The following ANO5 variants were observed in gnomAD, a reference collection of about 807,000 sequenced individuals.
ANO5 encodes anoctamin 5.
ANO5 carries 109 observed loss-of-function variants against 121.0 expected under a neutral mutation model. The observed-to-expected ratio is 0.90, with a 90% CI of 0.77 to 1.06. The LOEUF is 1.06. Ranked by LOEUF, ANO5 falls within the 50% of genes least tolerant of loss-of-function variation. The pLI, the probability that ANO5 is intolerant of heterozygous loss-of-function variation, is 0.00. For missense variants in ANO5, 1,064 were observed against 1,078.5 expected, an observed-to-expected ratio of 0.99 and a Z score of 0.19; for synonymous variants, 406 against 359.9, an observed-to-expected ratio of 1.13 and a Z score of -1.45.
Position 22,272,302 on chromosome 11 carries a change from G to GCACACACACACACACACACA in ANO5, c.2030-457_2030-438dup, listed in dbSNP as rs60487083. Among the ~76,000 whole-genome samples, 15 of 134,566 alleles carry GCACACACACACACACACACA rather than the reference G, an allele frequency of 1.1e-4. No homozygotes were observed. The East Asian group carries it at 1.2e-3, about 10-fold the overall frequency. 88.3% of individuals were successfully genotyped at this position (134,566 alleles called of 152,430 possible). On this transcript the variant is annotated intron_variant, in intron 18 of 21. Coordinates refer to ENST00000324559, the MANE Select transcript of ANO5 (RefSeq NM_213599.3). Reference sequence around the variant, plus strand: ...TAGAAAATGTATATTTCCTTTTCCGGCACACACACACACACACACACACAC... The same window carrying GCACACACACACACACACACA: ...TAGAAAATGTATATTTCCTTTTCCGGCACACACACACACACACACACACACACACACACACACACACACAC...
At chr11:22,202,137 A>G (rs908331927) in intron 1 of ANO5, among the ~76,000 whole-genome samples, 19 of 140,592 alleles carry the variant, frequency 1.4e-4, no homozygotes, top group African/African-American at 5.9e-4. Context: ...ATACTAGCAA[A>G]GCTATGACCC....
At position 22,272,949 on chromosome 11, in the gene ANO5, A is replaced by C; in HGVS notation, c.2195A>C (p.Asp732Ala). 1 of 1,614,074 alleles carries C rather than the reference A, an allele frequency of 6.2e-7. No homozygotes were observed. Among genetic ancestry groups the C allele is most frequent in the Non-Finnish European group, 8.5e-7 (1 of 1,180,012 alleles). Reference protein sequence around the residue: ...SKAHSIGVWQDILYGMAVLSV... With the variant: ...SKAHSIGVWQAILYGMAVLSV... ...GCTCATAGCATAGGTGTTTGGCAAGACATTCTTTATGGAATGGCTGTCCTT... is the reference window on the plus strand; with the variant it reads ...GCTCATAGCATAGGTGTTTGGCAAGCCATTCTTTATGGAATGGCTGTCCTT... The change falls in exon 19 of 22, where the codon GAC (aspartate) becomes GCC (alanine). Residue 732 changes from aspartate (D) to alanine (A), a missense_variant. By Grantham distance (126) the Asp-to-Ala change is moderately radical. Coordinates refer to ENST00000324559, the MANE Select transcript of ANO5 (RefSeq NM_213599.3).
intron 15 of ANO5, chr11:22,261,191 A>T (rs1480960360): frequency 6.6e-6 from 1 of 152,228 alleles, no homozygotes; most frequent in African/African-American, 2.4e-5. Flanking sequence ...TGCTATAAAG[A>T]TACTACCTGA....
chr11:22,227,937 G>T (rs879817671), intron 7 of ANO5, among the ~76,000 whole-genome samples: 9 of 152,188 alleles, frequency 5.9e-5, no homozygotes, highest in Admixed American at 4.6e-4. Flanking sequence ...TATACAGTCA[G>T]TGCATAGTAA....
chr11:22,208,667 T>C (rs188703441), intron 2 of ANO5, among the ~76,000 whole-genome samples: 1 of 151,998 alleles, frequency 6.6e-6, no homozygotes, highest in African/African-American at 2.4e-5. Flanking sequence ...AGAGACATTG[T>C]ACTCATGTCA....
Position 22,239,580 on chromosome 11 carries a change from G to T in ANO5, c.774G>T (p.Trp258Cys). 1 of 1,611,670 alleles carries T rather than the reference G, an allele frequency of 6.2e-7. No homozygotes were observed. Among genetic ancestry groups the T allele is most frequent in the Non-Finnish European group, 8.5e-7 (1 of 1,178,168 alleles). ...SAYPLHDGQY[W>C]KPSEPPNPTN... The stretch of plus-strand genomic sequence containing the variant: ...TTGAATATCTGCAGGGCCAATATTG[G>T]AAGCCATCAGAACCTCCCAATCCTA... The change falls in exon 9 of 22, where the codon TGG (tryptophan) becomes TGT (cysteine). Residue 258 changes from tryptophan to cysteine, a missense_variant. Physicochemically the swap from Trp to Cys is radical, Grantham distance 215. Transcript: ENST00000324559.
chr11:22,211,865 A>G (rs937753912), intron 3 of ANO5, among the ~76,000 whole-genome samples: 1 of 151,986 alleles, frequency 6.6e-6, no homozygotes. Flanking sequence ...TCCTATACTG[A>G]TAATTTTAGC....
chr11:22,200,242 G>T (rs2133502556), intron 1 of ANO5, among the ~76,000 whole-genome samples: 1 of 152,260 alleles, frequency 6.6e-6, no homozygotes, highest in East Asian at 1.9e-4. Flanking sequence ...ACTGTCAGGT[G>T]TTTTCCATGA....
At chr11:22,218,649 C>A (rs34055449) in intron 4 of ANO5, among the ~76,000 whole-genome samples, 1 of 152,082 alleles carries the variant, frequency 6.6e-6, no homozygotes, top group African/African-American at 2.4e-5. Context: ...CAGCCTCAAC[C>A]TCCCTGGATC....
intron 1 of ANO5, among the ~76,000 whole-genome samples, chr11:22,201,861 C>A (rs184855391): frequency 1.7e-3 from 262 of 152,262 alleles, no homozygotes; most frequent in African/African-American, 5.8e-3. Flanking sequence ...TGTTGCATTG[C>A]AGATTGTTTC....
intron 1 of ANO5, among the ~76,000 whole-genome samples, chr11:22,194,425 C>G (rs1320781254): frequency 2.6e-5 from 4 of 152,140 alleles, no homozygotes; most frequent in Non-Finnish European, 5.9e-5. Flanking sequence ...GCATCCTCCT[C>G]GTTCCCTTTT....
At chr11:22,272,465 C>T (rs1436329760) in intron 18 of ANO5, among the ~76,000 whole-genome samples, 7 of 151,948 alleles carry the variant, frequency 4.6e-5, no homozygotes, top group Non-Finnish European at 1.0e-4. Context: ...GATGTAAAGA[C>T]TAGACAAGCA....
chr11:22,221,609 A>G (rs907259855), intron 5 of ANO5, among the ~76,000 whole-genome samples: 1 of 151,814 alleles, frequency 6.6e-6, no homozygotes, highest in African/African-American at 2.4e-5. Context: ...TCCTGATTCT[A>G]TTTTATTTGT....
intron 17 of ANO5, among the ~76,000 whole-genome samples, chr11:22,264,208 A>C (rs912689371): frequency 3.3e-5 from 5 of 151,898 alleles, no homozygotes; most frequent in African/African-American, 1.2e-4. Flanking sequence ...TATTTTTAGT[A>C]TAGATGGGGT....
intron 5 of ANO5, among the ~76,000 whole-genome samples, chr11:22,222,629 G>T (rs1242413754): frequency 6.6e-6 from 1 of 151,740 alleles, no homozygotes; most frequent in African/African-American, 2.4e-5. Context: ...TATGTCTCGT[G>T]GTCAACAATT....
intron 10 of ANO5, 149 bp downstream of exon 10, chr11:22,250,520 A>C: frequency 1.6e-6 from 2 of 1,214,832 alleles, no homozygotes; most frequent in Non-Finnish European, 2.3e-6. Flanking sequence ...CAAACATAAC[A>C]GTTGCCTCTC....
At chr11:22,273,955 A>C (rs1044747654) in intron 19 of ANO5, among the ~76,000 whole-genome samples, 1 of 152,050 alleles carries the variant, frequency 6.6e-6, no homozygotes, top group Admixed American at 6.6e-5. Flanking sequence ...AAAGCGTAGC[A>C]CTAAAATTAT....
At chr11:22,237,406 T>C (rs761628762) in intron 8 of ANO5, among the ~76,000 whole-genome samples, 1 of 152,152 alleles carries the variant, frequency 6.6e-6, no homozygotes, top group Non-Finnish European at 1.5e-5. Flanking sequence ...ACTTTTGTTT[T>C]TTGAGACGGC....
Position 22,193,254 on chromosome 11 carries a change from T to A in ANO5, c.-239T>A. 8.9e-7 allele frequency: 1 copy of A among 1,121,348 alleles called. No homozygotes were observed. Among genetic ancestry groups the A allele is most frequent in the South Asian group, 2.9e-5 (1 of 34,402 alleles). The allele number at this position is 1,121,348 out of a possible 1,614,324, so 69.5% of individuals were successfully genotyped here. ...GCGAAGCAGGTTGTGGGGGACCGGGTCGAGTGGAAGTACCCGCCGGAGAGG... is the reference window on the plus strand; with the variant it reads ...GCGAAGCAGGTTGTGGGGGACCGGGACGAGTGGAAGTACCCGCCGGAGAGG... On this transcript the variant is annotated 5_prime_UTR_variant, in exon 1 of 22. Coordinates refer to ENST00000324559, the MANE Select transcript of ANO5 (RefSeq NM_213599.3).
Sources: gnomAD v4.1 joint callset for allele counts (sites outside exome capture counted in the v4.1 genomes callset) on GRCh38, gnomAD v4.1.1 for gene constraint, MANE v1.5 for transcripts, NCBI Gene and HGNC (gene_info 2026-07-23, HGNC 2026-07-21) for gene names.